Variants in BABAM1 observed in about 807,000 individuals in gnomAD.
BABAM1 encodes the protein BRISC and BRCA1-A complex member 1.
BABAM1 carries 14 observed loss-of-function variants against 34.4 expected under a neutral mutation model. The observed-to-expected ratio is 0.41, with a 90% CI of 0.27 to 0.64. The LOEUF is 0.64. BABAM1 is among the 30% of genes least tolerant of loss of function. BABAM1 has a pLI of 0.34. For missense variants in BABAM1, 393 were observed against 434.0 expected, an observed-to-expected ratio of 0.91 and a Z score of 0.84; for synonymous variants, 169 against 165.8, an observed-to-expected ratio of 1.02 and a Z score of -0.15.
Position 17,275,811 on chromosome 19 carries a change from A to T in BABAM1, c.555A>T (p.Gly185=). ...TASCSTFNLE[G]LFSLIQQKTE... ...TAGCACCCCCACCAGATCTGGAAGG[A>T]CTTTTCAGCCTCATGTAAGTCCCCT... The change falls in exon 6 of 9, where the codon GGA becomes GGT. Residue 185 remains glycine, a synonymous_variant. Coordinates refer to ENST00000598188, the MANE Select transcript of BABAM1 (RefSeq NM_014173.4). 1 of 1,613,860 alleles carries T rather than the reference A, an allele frequency of 6.2e-7. No individual in the cohort carries two copies.
intron 2 of BABAM1, among the ~76,000 whole-genome samples, chr19:17,270,688 A>G (rs1194313184): frequency 2.7e-5 from 4 of 146,898 alleles, no homozygotes; most frequent in Non-Finnish European, 4.5e-5. Context: ...GCCACACCCA[A>G]CAAATTTTTT....
chr19:17,276,430 C>G (rs1389241019), intron 6 of BABAM1, 65 bp from the exon 7 acceptor site: 3 of 1,553,084 alleles, frequency 1.9e-6, no homozygotes, highest in South Asian at 2.4e-5. Flanking sequence ...GGGTCTCTCT[C>G]AGGGTGATAA....
intron 3 of BABAM1, among the ~76,000 whole-genome samples, chr19:17,273,548 T>G (rs942924870): frequency 1.1e-5 from 1 of 89,662 alleles, no homozygotes; most frequent in African/African-American, 4.3e-5. Context: ...GAAGGAAGTT[T>G]TTTTTTGTTT....
intron 2 of BABAM1, among the ~76,000 whole-genome samples, chr19:17,269,526 T>G (rs2073813487): frequency 6.6e-6 from 1 of 151,216 alleles, no homozygotes; most frequent in South Asian, 2.1e-4. Flanking sequence ...AATTTTTATA[T>G]TTTTAGTAGA....
At position 17,270,132 on chromosome 19, in the gene BABAM1, C is replaced by T. The variant is rs980500420; in HGVS notation, c.285+1041C>T. 4.6e-5 allele frequency among the ~76,000 whole-genome samples: 7 copies of T among 152,064 alleles called. No homozygotes were observed. In the East Asian group the frequency reaches 1.2e-3, roughly 25 times the overall value. On this transcript the variant is annotated intron_variant, in intron 2 of 8. Transcript: ENST00000598188. ...TTTTTTAGTAGAGACAGGGTTTCACCGTGTTAGCCAGGATGGTCTCGATCT... is the reference window on the plus strand; with the variant it reads ...TTTTTTAGTAGAGACAGGGTTTCACTGTGTTAGCCAGGATGGTCTCGATCT...
rs754745389 is a variant in BABAM1, at chr19:17,278,829, C to A, written c.787-16C>A. On this transcript the variant is annotated splice_polypyrimidine_tract_variant and intron_variant, in intron 8 of 8. Transcript: ENST00000598188. ...CTGCCTGAACAGCCCTTCACTGACC[C>A]CCGCCTCCCCGGCAGGATATGTTTG... 6.2e-7 allele frequency: 1 copy of A among 1,605,728 alleles called. No individual in the cohort carries two copies. The highest frequency in any genetic ancestry group is 8.5e-7 in the Non-Finnish European group (1 of 1,176,240).
chr19:17,276,590 G>A lies in BABAM1; in HGVS notation c.665G>A (p.Cys222Tyr). ...ATCCTTGTCTACAGCCGTCCACCTT[G>A]CCAGCCCCAGTTCTCCTTGACGGAG... ...RTILVYSRPP[C>Y]QPQFSLTEPM... Residue 222 changes from cysteine (C) to tyrosine (Y), a missense_variant, in exon 7 of 9, where the codon TGC becomes TAC. By Grantham distance (194) the Cys-to-Tyr change is radical. Transcript: ENST00000598188. 6.2e-7 allele frequency: 1 copy of A among 1,606,684 alleles called. No homozygotes were observed. Among genetic ancestry groups the A allele is most frequent in the East Asian group, 2.2e-5 (1 of 44,576 alleles).
At chr19:17,277,148 A>G (rs2073919261) in intron 8 of BABAM1, 14 of 461,352 alleles carry the variant, frequency 3.0e-5, no homozygotes, top group Middle Eastern at 1.1e-3. Flanking sequence ...CCCATCTCCA[A>G]CGTTCCCTGC....
intron 2 of BABAM1, 78 bp downstream of exon 2, chr19:17,269,169 C>T (rs2073807683): frequency 1.4e-6 from 2 of 1,434,168 alleles, no homozygotes; most frequent in South Asian, 1.5e-5. Flanking sequence ...ACACTGCAAA[C>T]ATTCCCTTTG....
intron 2 of BABAM1, among the ~76,000 whole-genome samples, chr19:17,269,627 A>G (rs1041307014): frequency 8.6e-5 from 13 of 152,002 alleles, no homozygotes; most frequent in Non-Finnish European, 1.9e-4. Context: ...CTGGGATTAT[A>G]GGCATGAGCC....
At position 17,269,010 on chromosome 19, in the gene BABAM1, C is replaced by T. The variant is rs372050396; in HGVS notation, c.204C>T (p.Ala68=). The T allele has an allele frequency of 3.1e-5, 50 of 1,589,524 alleles. No individual in the cohort carries two copies. The highest frequency in any genetic ancestry group is 5.3e-5 in the Admixed American group (3 of 56,536). ...ADDGSLNTSG[A]GPKSWQVPPP... ...ATGGGAGCCTCAACACTTCAGGAGC[C>T]GGCCCTAAGTCCTGGCAGGTGCCCC... The change falls in exon 2 of 9, where the codon GCC becomes GCT. Residue 68 remains alanine, a synonymous_variant. Transcript: ENST00000598188.
intron 5 of BABAM1, 37 bp downstream of exon 5, chr19:17,274,222 C>A (rs1310321380): frequency 2.5e-6 from 4 of 1,600,444 alleles, no homozygotes; most frequent in Non-Finnish European, 3.4e-6. Flanking sequence ...ATGAAGGGGG[C>A]TGTCTCCTTC....
chr19:17,276,033 C>T (rs927074726), intron 6 of BABAM1, among the ~76,000 whole-genome samples: 1 of 152,098 alleles, frequency 6.6e-6, no homozygotes, highest in Admixed American at 6.6e-5. Flanking sequence ...CAGCTGACGG[C>T]AGTGATGGGG....
At chr19:17,278,721 C>T (rs2073940796) in intron 8 of BABAM1, 124 bp from the exon 9 acceptor site, 5 of 890,390 alleles carry the variant, frequency 5.6e-6, no homozygotes, top group Admixed American at 2.5e-5. Flanking sequence ...TGGCAAACTC[C>T]TCTTCACCCT....
intron 2 of BABAM1, 115 bp downstream of exon 2, chr19:17,269,206 T>TC: frequency 7.8e-7 from 1 of 1,279,790 alleles, no homozygotes; most frequent in Non-Finnish European, 1.1e-6. Context: ...CTGCCACAAG[T>TC]CACCGTGGAC....
At chr19:17,269,734 T>TTTG (rs2073816491) in intron 2 of BABAM1, among the ~76,000 whole-genome samples, 1 of 151,528 alleles carries the variant, frequency 6.6e-6, no homozygotes, top group African/African-American at 2.4e-5. Flanking sequence ...CCAATTTTTT[T>TTTG]TTTTTGTTTT....
At chr19:17,274,883 A>G (rs1201665864) in intron 5 of BABAM1, among the ~76,000 whole-genome samples, 1 of 152,064 alleles carries the variant, frequency 6.6e-6, no homozygotes, top group Non-Finnish European at 1.5e-5. Flanking sequence ...CATTTTGAGG[A>G]GAGTGGCCCC....
At chr19:17,276,447 C>T in intron 6 of BABAM1, 48 bp from the exon 7 acceptor site, 1 of 1,562,418 alleles carries the variant, frequency 6.4e-7, no homozygotes, top group Non-Finnish European at 8.7e-7. Flanking sequence ...ATAAGAGGGG[C>T]AGACCCCCAC....
At chr19:17,275,081 G>A (rs2145621380) in intron 5 of BABAM1, among the ~76,000 whole-genome samples, 1 of 151,614 alleles carries the variant, frequency 6.6e-6, no homozygotes, top group East Asian at 2.0e-4. Context: ...AATTTTGAAT[G>A]TTTTGTAGAG....
Sources: allele counts gnomAD v4.1 joint callset (sites outside exome capture counted in the v4.1 genomes callset), GRCh38; gene constraint gnomAD v4.1.1; transcripts MANE v1.5; gene names NCBI Gene and HGNC (gene_info 2026-07-23, HGNC 2026-07-21).